Variants in CRTC1 observed in about 807,000 individuals in gnomAD.
CRTC1 encodes the protein CREB-regulated transcription coactivator 1.
A neutral mutation model predicts 66.1 loss-of-function variants in CRTC1; 18 were observed. The ratio of observed to expected loss-of-function variants is 0.27; its 90% CI spans 0.19 to 0.40. CRTC1 has a LOEUF of 0.40. Ranked by LOEUF, CRTC1 falls within the 10% of genes least tolerant of loss-of-function variation. The pLI is 1.00. For missense variants in CRTC1, 669 were observed against 887.9 expected (o/e 0.75, Z 3.13); for synonymous variants, 416 against 398.8 (o/e 1.04, Z -0.51).
intron 11 of CRTC1, 85 bp from the exon 12 acceptor site, chr19:18,774,815 C>T: frequency 7.4e-7 from 1 of 1,352,676 alleles, no homozygotes; most frequent in Non-Finnish European, 1.0e-6. Context: ...CCAGGGGCCT[C>T]TTGTCTTCCA....
intron 11 of CRTC1, among the ~76,000 whole-genome samples, chr19:18,772,772 C>T (rs1454327993): frequency 5.3e-5 from 8 of 152,172 alleles, no homozygotes; most frequent in Non-Finnish European, 1.0e-4. Context: ...TGGGGGTCAG[C>T]CTGGTGTCTG....
chr19:18,737,027 T>G (rs2054011613), intron 1 of CRTC1, among the ~76,000 whole-genome samples: 1 of 152,114 alleles, frequency 6.6e-6, no homozygotes, highest in Admixed American at 6.5e-5. Flanking sequence ...ACAGGCGCAT[T>G]ATACTGGGGC....
chr19:18,776,747 G>A (rs1386469861), intron 13 of CRTC1, among the ~76,000 whole-genome samples: 1 of 152,210 alleles, frequency 6.6e-6, no homozygotes, highest in Non-Finnish European at 1.5e-5. Context: ...CTTTGTGGGG[G>A]AACTGAGGAT....
chr19:18,742,753 C>T (rs1054851049), intron 1 of CRTC1, among the ~76,000 whole-genome samples, 157 bp from the exon 2 acceptor site: 16 of 152,230 alleles, frequency 1.1e-4, no homozygotes, highest in Admixed American at 3.3e-4. Context: ...TGGAGGGACA[C>T]CTGGTTTCCT....
At position 18,768,394 on chromosome 19, in the gene CRTC1, C is replaced by T. The variant is rs907126554; in HGVS notation, c.1012-91C>T. 2.6e-5 allele frequency: 28 copies of T among 1,092,628 alleles called. No homozygotes were observed. The highest frequency in any genetic ancestry group is 2.2e-4 in the African/African-American group (14 of 62,890). 67.7% of individuals were successfully genotyped at this position (1,092,628 alleles called of 1,614,324 possible). A position where few individuals can be genotyped will look rare whatever the true frequency, so the allele number is the denominator to read the frequency against. On this transcript the variant is annotated intron_variant, in intron 9 of 13. Transcript: ENST00000321949. The surrounding 1 kb of genome is among the most constrained non-coding windows in gnomAD (Gnocchi z 5.6). The stretch of plus-strand genomic sequence containing the variant: ...CTGTGATCACAGGGCCCTTCCACCT[C>T]GCCTGCTGAGCATGCCAGGCTATGG...
chr19:18,747,306 T>G (rs2054268238), intron 4 of CRTC1, among the ~76,000 whole-genome samples, 192 bp downstream of exon 4: 1 of 151,790 alleles, frequency 6.6e-6, no homozygotes, highest in South Asian at 2.1e-4. Context: ...TCTTCTAACA[T>G]TTCCCTTCCC....
chr19:18,755,402 G>A (rs1311000999), intron 6 of CRTC1, among the ~76,000 whole-genome samples: 2 of 151,592 alleles, frequency 1.3e-5, no homozygotes, highest in Non-Finnish European at 1.5e-5. Flanking sequence ...GGGACTACAG[G>A]TGCATGCCAC....
At position 18,777,591 on chromosome 19, in the gene CRTC1, G is replaced by A. The variant is rs922532749; in HGVS notation, c.*209G>A. 1.2e-5 allele frequency: 6 copies of A among 490,614 alleles called. No homozygotes were observed. The highest frequency in any genetic ancestry group is 4.5e-5 in the East Asian group (1 of 22,186). The allele number at this position is 490,614 out of a possible 1,614,324, so 30.4% of individuals were successfully genotyped here. On this transcript the variant is annotated 3_prime_UTR_variant, in exon 14 of 14. Transcript: ENST00000321949. The surrounding 1 kb of genome is among the most constrained non-coding windows in gnomAD (Gnocchi z 5.5). Reference sequence around the variant, plus strand: ...AGCCGGGCCGTCCACCCACCCGCCCGCCCAGGGCTGGGCTGGGATCGGAGG... The same window carrying A: ...AGCCGGGCCGTCCACCCACCCGCCCACCCAGGGCTGGGCTGGGATCGGAGG...
intron 1 of CRTC1, among the ~76,000 whole-genome samples, chr19:18,698,117 G>C (rs1183522413): frequency 6.6e-6 from 1 of 152,076 alleles, no homozygotes; most frequent in Non-Finnish European, 1.5e-5. Context: ...CAGGTGCACA[G>C]TTTGTGTTCT....
At chr19:18,693,349 A>G (rs1600754296) in intron 1 of CRTC1, among the ~76,000 whole-genome samples, 1 of 150,778 alleles carries the variant, frequency 6.6e-6, no homozygotes, top group African/African-American at 2.4e-5. Flanking sequence ...AGATTGTGCC[A>G]CTGCACTCCA....
chr19:18,697,342 G>A (rs2053015782), intron 1 of CRTC1, among the ~76,000 whole-genome samples: 1 of 152,090 alleles, frequency 6.6e-6, no homozygotes, highest in Non-Finnish European at 1.5e-5. Context: ...CTTAGACCTG[G>A]GAGGCCTCTT....
intron 10 of CRTC1, among the ~76,000 whole-genome samples, chr19:18,770,846 A>G (rs1453060745): frequency 1.4e-5 from 2 of 147,598 alleles, no homozygotes; most frequent in Non-Finnish European, 3.0e-5. Flanking sequence ...GTGGGTGTGC[A>G]TGTGGGTGTG....
rs376026356 is a variant in CRTC1, at chr19:18,697,347, C to T, written c.126+13519C>T. Among the ~76,000 whole-genome samples, 9 of 152,232 alleles carry T rather than the reference C, an allele frequency of 5.9e-5. No individual in the cohort carries two copies. The East Asian group carries it at 1.2e-3, about 20-fold the overall frequency. On this transcript the variant is annotated intron_variant, in intron 1 of 13. Coordinates refer to ENST00000321949, the MANE Select transcript of CRTC1 (RefSeq NM_015321.3). Reference sequence around the variant, plus strand: ...TCTGGGCGAGCTTAGACCTGGGAGGCCTCTTTTTTTTTGGAGTGCCGTGGT... The same window carrying T: ...TCTGGGCGAGCTTAGACCTGGGAGGTCTCTTTTTTTTTGGAGTGCCGTGGT...
intron 1 of CRTC1, among the ~76,000 whole-genome samples, chr19:18,702,925 C>T (rs1287688523): frequency 9.9e-5 from 15 of 152,062 alleles, no homozygotes; most frequent in Non-Finnish European, 2.9e-5. Context: ...GTTGCGACGG[C>T]CGGGCTGGGA....
In CRTC1 at chr19:18,749,822, C is replaced by T. The variant is rs202136992; in HGVS notation, c.485C>T (p.Pro162Leu). 3.1e-6 allele frequency: 5 copies of T among 1,613,966 alleles called. No homozygotes were observed. Among genetic ancestry groups the T allele is most frequent in the Non-Finnish European group, 1.7e-6 (2 of 1,180,000 alleles). Residue 162 changes from proline to leucine, a missense_variant, in exon 5 of 14, where the codon CCC becomes CTC. Transcript: ENST00000321949. Reference protein sequence around the residue: ...DSALHQSTMTPTQPESFSSGS... With the variant: ...DSALHQSTMTLTQPESFSSGS... ...GCCCTGCACCAGAGCACAATGACGC[C>T]CACGCAGCCAGAATCCTTTAGCAGT...
At position 18,768,567 on chromosome 19, in the gene CRTC1, C is replaced by T. The variant is rs565862606; in HGVS notation, c.1094C>T (p.Pro365Leu). The T allele has an allele frequency of 1.9e-5, 31 of 1,598,172 alleles. No individual in the cohort carries two copies. Among genetic ancestry groups the T allele is most frequent in the Middle Eastern group, 3.8e-4 (2 of 5,248 alleles). The change falls in exon 10 of 14, where the codon CCG becomes CTG. Residue 365 changes from proline to leucine, a missense_variant. Pro to Leu is a moderately conservative substitution (Grantham distance 98, BLOSUM62 -3). Around this residue, in one of 8 missense-constraint regions of CRTC1, gnomAD observed 241 missense variants for 242.2 expected, o/e 0.99. Transcript: ENST00000321949. This position sits in a 1 kb window ranked among gnomAD's most constrained non-coding sequence, Gnocchi z 5.6. ...FTQAGSQQPP[P>L]QPQPPPPPPP... ...CAGGCGGGCTCCCAGCAGCCACCGC[C>T]GCAGCCCCAGCCCCCGCCGCCTCCT... is the stretch of plus-strand genomic sequence containing the variant.
rs1210821815 is a variant in CRTC1, at chr19:18,777,907, A to C, written c.*525A>C. 3.8e-6 allele frequency: 1 copy of C among 262,520 alleles called. No homozygotes were observed. Among genetic ancestry groups the C allele is most frequent in the Non-Finnish European group, 7.2e-6 (1 of 138,758 alleles). The allele number at this position is 262,520 out of a possible 1,614,324, so 16.3% of individuals were successfully genotyped here. A position where few individuals can be genotyped will look rare whatever the true frequency, so the allele number is the denominator to read the frequency against. On this transcript the variant is annotated 3_prime_UTR_variant, in exon 14 of 14. Transcript: ENST00000321949. This position sits in a 1 kb window ranked among gnomAD's most constrained non-coding sequence, Gnocchi z 5.5. The stretch of plus-strand genomic sequence containing the variant: ...CACGCCGCCCCAGGGAGGAGGCGCC[A>C]GAGCGCGGGGCAGACGCAAAGTGAA...
intron 5 of CRTC1, among the ~76,000 whole-genome samples, chr19:18,752,149 A>G (rs1371367375): frequency 4.8e-5 from 7 of 145,174 alleles, no homozygotes; most frequent in Non-Finnish European, 9.1e-5. Context: ...GACTGTCTCA[A>G]AAAAAAAAAA....
chr19:18,767,942 G>A (rs946587276), intron 9 of CRTC1, among the ~76,000 whole-genome samples: 2 of 152,182 alleles, frequency 1.3e-5, no homozygotes, highest in Non-Finnish European at 2.9e-5. Context: ...GACAGTGAAC[G>A]TCACACACTT....
Sources: gnomAD v4.1 joint callset for allele counts (sites outside exome capture counted in the v4.1 genomes callset) on GRCh38, gnomAD v4.1.1 for gene constraint, gnomAD v4.1.1 regional missense constraint, Gnocchi (gnomAD v3.1) non-coding constraint, MANE v1.5 for transcripts, NCBI Gene and HGNC (gene_info 2026-07-23, HGNC 2026-07-21) for gene names.